Variants in PLPP3 observed in about 807,000 individuals in gnomAD.
PLPP3 encodes the protein PAP2 beta.
PLPP3 carries 6 observed loss-of-function variants against 29.6 expected under a neutral mutation model. The ratio of observed to expected loss-of-function variants is 0.20; its 90% confidence interval spans 0.11 to 0.40. PLPP3 has a LOEUF of 0.40. Ranked by LOEUF, PLPP3 falls within the 10% of genes least tolerant of loss-of-function variation. The probability of loss-of-function intolerance (pLI) is 1.00; values close to 1 mark genes in which losing one functional copy is unlikely to be tolerated. For synonymous variants in PLPP3, 152 were observed against 159.7 expected (o/e 0.95, Z 0.36); for missense variants, 308 against 407.7 (o/e 0.76, Z 2.11).
intron 4 of PLPP3, among the ~76,000 whole-genome samples, chr1:56,516,385 A>G (rs1645780672): frequency 6.6e-6 from 1 of 152,196 alleles, no homozygotes. Context: ...AACTTATTCA[A>G]GAAAGGAAGT....
chr1:56,497,958 G>A lies in PLPP3; in HGVS notation c.811-1282C>T, dbSNP rs1645640692. Among the ~76,000 whole-genome samples, 6 of 152,026 alleles carry A rather than the reference G, an allele frequency of 3.9e-5. No homozygotes were observed. The South Asian group carries it at 1.2e-3, about 32-fold the overall frequency. On this transcript the variant is annotated intron_variant, in intron 5 of 5. Transcript: ENST00000371250. The stretch of plus-strand genomic sequence containing the variant: ...GGCAAAGGTGAAACAGACATTTACT[G>A]GTCACTGTAAAACCTGTTGTACCTT...
chr1:56,545,815 G>GGACACCA (rs1646002021), intron 1 of PLPP3, among the ~76,000 whole-genome samples: 1 of 152,164 alleles, frequency 6.6e-6, no homozygotes, highest in Non-Finnish European at 1.5e-5. Context: ...TGGACTGGCA[G>GGACACCA]GACACCAGAC....
At chr1:56,522,591 C>T (rs1429817908) in intron 4 of PLPP3, among the ~76,000 whole-genome samples, 1 of 152,016 alleles carries the variant, frequency 6.6e-6, no homozygotes, top group African/African-American at 2.4e-5. Flanking sequence ...TAAGTTGGGG[C>T]TCATCTTTCA....
intron 5 of PLPP3, among the ~76,000 whole-genome samples, chr1:56,501,880 A>C (rs1223901402): frequency 6.6e-6 from 1 of 152,240 alleles, no homozygotes; most frequent in African/African-American, 2.4e-5. Flanking sequence ...TGCTGATGGG[A>C]GTTTTCTATA....
At chr1:56,511,953 A>G (rs554181052) in intron 5 of PLPP3, 23 bp downstream of exon 5, 2 of 1,612,310 alleles carry the variant, frequency 1.2e-6, no homozygotes, top group African/African-American at 1.3e-5. Context: ...CCACTTGCAT[A>G]TTGAGGACAA....
chr1:56,548,740 C>T (rs1646020840), intron 1 of PLPP3, among the ~76,000 whole-genome samples: 1 of 152,216 alleles, frequency 6.6e-6, no homozygotes, highest in African/African-American at 2.4e-5. Flanking sequence ...AAAGTGAGAG[C>T]ACTGAGGATG....
intron 1 of PLPP3, among the ~76,000 whole-genome samples, chr1:56,544,719 T>C (rs900925828): frequency 2.6e-5 from 4 of 152,212 alleles, no homozygotes; most frequent in African/African-American, 7.2e-5. Flanking sequence ...CAGTTAGCCT[T>C]TATTGCTAAG....
At chr1:56,564,554 GCAA>G (rs1308461218) in intron 1 of PLPP3, among the ~76,000 whole-genome samples, 1 of 152,166 alleles carries the variant, frequency 6.6e-6, no homozygotes, top group African/African-American at 2.4e-5. Flanking sequence ...AAGCACAGCT[GCAA>G]CAACAAATTT....
In PLPP3 at chr1:56,557,012, G is replaced by GAAA. The variant is rs60511169; in HGVS notation, c.140-19901_140-19900insTTT. 1.1e-3 allele frequency among the ~76,000 whole-genome samples: 10 copies of GAAA among 9,122 alleles called. 2 individuals carry two copies. The highest frequency in any genetic ancestry group is 2.2e-3 in the African/African-American group (7 of 3,210). The allele number at this position is 9,122 out of a possible 152,430, so 6.0% of individuals were successfully genotyped here. On this transcript the variant is annotated intron_variant, in intron 1 of 5. Transcript: ENST00000371250. Reference sequence around the variant, plus strand: ...AAAGAAAGAAAGAAAGAAAGAAAGAGAGAGAGAGAGAGAAAGAGAGAGAGA... The same window carrying GAAA: ...AAAGAAAGAAAGAAAGAAAGAAAGAGAAAAGAGAGAGAGAGAAAGAGAGAGAGA...
chr1:56,567,341 GA>G (rs1646167315), intron 1 of PLPP3, among the ~76,000 whole-genome samples: 1 of 151,072 alleles, frequency 6.6e-6, no homozygotes, highest in Non-Finnish European at 1.5e-5. Flanking sequence ...AAATCTTCAG[GA>G]AAATTCTGGC....
chr1:56,557,019 A>AAG (rs1553139330), intron 1 of PLPP3, among the ~76,000 whole-genome samples: 44 of 14,278 alleles, frequency 3.1e-3, no homozygotes, highest in Admixed American at 5.9e-3. Flanking sequence ...AGAGAGAGAG[A>AAG]GAGAGAAAGA....
At chr1:56,503,287 C>T (rs1259548581) in intron 5 of PLPP3, among the ~76,000 whole-genome samples, 2 of 152,178 alleles carry the variant, frequency 1.3e-5, no homozygotes, top group African/African-American at 4.8e-5. Context: ...AAAATTTCTA[C>T]TGGTGTGTGA....
intron 1 of PLPP3, among the ~76,000 whole-genome samples, chr1:56,551,684 T>C (rs977231894): frequency 6.6e-6 from 1 of 152,216 alleles, no homozygotes; most frequent in African/African-American, 2.4e-5. Context: ...ATCAAGATGA[T>C]AGAATGGGTC....
chr1:56,536,018 G>T (rs1308741362), intron 2 of PLPP3, among the ~76,000 whole-genome samples: 1 of 152,136 alleles, frequency 6.6e-6, no homozygotes, highest in East Asian at 1.9e-4. Context: ...CCACTGCCCT[G>T]TGTCTGGGAG....
chr1:56,575,465 G>A (rs1057441564), intron 1 of PLPP3, among the ~76,000 whole-genome samples: 1 of 152,130 alleles, frequency 6.6e-6, no homozygotes, highest in Admixed American at 6.5e-5. Flanking sequence ...TAAATAGCAC[G>A]GTTGCTGACC....
intron 1 of PLPP3, among the ~76,000 whole-genome samples, chr1:56,542,749 C>T (rs187791003): frequency 1.5e-4 from 23 of 152,206 alleles, no homozygotes; most frequent in Admixed American, 1.0e-3. Context: ...AGGCCATTTG[C>T]GGTGGCTCAT....
At chr1:56,562,090 G>A (rs975790596) in intron 1 of PLPP3, among the ~76,000 whole-genome samples, 10 of 115,458 alleles carry the variant, frequency 8.7e-5, no homozygotes, top group African/African-American at 3.3e-4. Context: ...CACATACCAA[G>A]CAAAGAGAAA....
In PLPP3 at chr1:56,496,554, C is replaced by T; in HGVS notation, c.933G>A (p.Met311Ile). Reference sequence around the variant, plus strand: ...CAGCTCAGGAGGTGGGTGGCACCTACATCATGTTGTGGTGATTGTTCCTGT... The same window carrying T: ...CAGCTCAGGAGGTGGGTGGCACCTATATCATGTTGTGGTGATTGTTCCTGT... ...IIDRNNHHNMM is the reference protein window; with the variant it reads ...IIDRNNHHNMI The change falls in exon 6 of 6, where the codon ATG (methionine) becomes ATA (isoleucine). Residue 311 changes from methionine (M) to isoleucine (I), a missense_variant. Met to Ile is a conservative substitution (Grantham distance 10, BLOSUM62 1). This residue lies in a region of PLPP3 where 232 missense variants were observed against 317.2 expected (regional missense o/e 0.73). Coordinates refer to ENST00000371250, the MANE Select transcript of PLPP3 (RefSeq NM_003713.5). 6.2e-7 allele frequency: 1 copy of T among 1,613,962 alleles called. No homozygotes were observed. Among genetic ancestry groups the T allele is most frequent in the Non-Finnish European group, 8.5e-7 (1 of 1,179,912 alleles).
At chr1:56,497,239 C>T (rs1158165362) in intron 5 of PLPP3, among the ~76,000 whole-genome samples, 6 of 152,312 alleles carry the variant, frequency 3.9e-5, no homozygotes, top group African/African-American at 1.4e-4. Context: ...GGCAACTAAA[C>T]GTGGAGGAAC....
Sources: gnomAD v4.1 joint callset for allele counts (sites outside exome capture counted in the v4.1 genomes callset) on GRCh38, gnomAD v4.1.1 for gene constraint, gnomAD v4.1.1 regional missense constraint, MANE v1.5 for transcripts, NCBI Gene and HGNC (gene_info 2026-07-23, HGNC 2026-07-21) for gene names.